Variants in PRR5 observed in about 807,000 individuals in gnomAD.
PRR5 encodes the protein proline-rich protein 5.
PRR5 carries 25 observed loss-of-function variants against 30.6 expected under a neutral mutation model. The observed-to-expected ratio is 0.82, with a 90% CI of 0.60 to 1.14. PRR5 has a LOEUF of 1.14. Among genes scored for constraint, PRR5 ranks in the 50% most tolerant of loss-of-function variants. PRR5 has a pLI of 0.00. For synonymous variants in PRR5, 286 were observed against 247.1 expected, an observed-to-expected ratio of 1.16 and a Z score of -1.48; for missense variants, 600 against 547.1, an observed-to-expected ratio of 1.10 and a Z score of -0.96.
chr22:44,676,353 T>A (rs1923756817), upstream of PRR5, among the ~76,000 whole-genome samples: 1 of 127,548 alleles, frequency 7.8e-6, no homozygotes, highest in Admixed American at 9.7e-5. Flanking sequence ...ATTGCGCCAC[T>A]GCTTTTCAGC....
rs1043263530 is a variant in PRR5, at chr22:44,678,799, C to T, written c.-11+1559C>T. On this transcript the variant is annotated intron_variant, in intron 1 of 8. Coordinates refer to the PRR5 transcript ENST00000006251. ...TCTCTGCCCTGTTCCCAGGTCTCCC[C>T]GACAGCCTGGGGCTGCTCTGTGTGA... Among the ~76,000 whole-genome samples the T allele has an allele frequency of 4.6e-5, 7 of 152,296 alleles. No homozygotes were observed. The South Asian group carries it at 8.3e-4, about 18-fold the overall frequency.
intron 1 of PRR5, among the ~76,000 whole-genome samples, chr22:44,669,632 G>A (rs5765889): frequency 6.6e-6 from 1 of 152,224 alleles, no homozygotes; most frequent in Non-Finnish European, 1.5e-5. Context: ...TTTTCCACCA[G>A]AGCCAAGGTA....
chr22:44,687,354 C>T (rs1476611402), intron 1 of PRR5, among the ~76,000 whole-genome samples: 9 of 2,004 alleles, frequency 4.5e-3, no homozygotes, highest in Non-Finnish European at 6.6e-3. Context: ...TTTCCCTATC[C>T]AGAGCGTTTT....
chr22:44,711,627 C>T (rs1454589592), intron 1 of PRR5, among the ~76,000 whole-genome samples: 1 of 152,160 alleles, frequency 6.6e-6, no homozygotes, highest in African/African-American at 2.4e-5. Flanking sequence ...GCCTTGGAGG[C>T]CCTGGCTACA....
At chr22:44,720,333 T>C (rs1295137702) in intron 2 of PRR5, among the ~76,000 whole-genome samples, 1 of 152,236 alleles carries the variant, frequency 6.6e-6, no homozygotes, top group Admixed American at 6.5e-5. Flanking sequence ...AAAGGATGTC[T>C]GTTTTTCATC....
upstream of PRR5, among the ~76,000 whole-genome samples, chr22:44,699,419 C>T (rs1926056210): frequency 6.6e-6 from 1 of 152,236 alleles, no homozygotes; most frequent in East Asian, 1.9e-4. Flanking sequence ...TCATCCCATC[C>T]GGATCCCTGG....
intron 1 of PRR5, among the ~76,000 whole-genome samples, chr22:44,708,921 C>T (rs1321627240): frequency 1.5e-5 from 2 of 132,418 alleles, no homozygotes; most frequent in African/African-American, 2.8e-5. Context: ...GAGCTAAGAT[C>T]GTGCTGTTGC....
In PRR5 at chr22:44,702,556, G is replaced by A. The variant is rs770901548; in HGVS notation, c.82G>A (p.Asp28Asn). The change falls in exon 1 of 8, where the codon GAC (aspartate) becomes AAC (asparagine). Residue 28 changes from aspartate (D) to asparagine (N), a missense_variant. Physicochemically the swap from Asp to Asn is conservative, Grantham distance 23. Transcript: ENST00000336985. ...CAAGAGAGAGCCGGCCGCCGCCGCGGACGAGCGGGGCACGCAGCAGCGCCG... is the reference window on the plus strand; with the variant it reads ...CAAGAGAGAGCCGGCCGCCGCCGCGAACGAGCGGGGCACGCAGCAGCGCCG... ...LGKREPAAAA[D>N]ERGTQQRRAC... The A allele has an allele frequency of 1.4e-6, 2 of 1,441,052 alleles. No homozygotes were observed. The highest frequency in any genetic ancestry group is 3.0e-5 in the Admixed American group (1 of 33,336). 89.3% of individuals were successfully genotyped at this position (1,441,052 alleles called of 1,614,324 possible).
At chr22:44,697,047 C>T (rs1023544361) in intron 1 of PRR5, among the ~76,000 whole-genome samples, 2 of 152,148 alleles carry the variant, frequency 1.3e-5, no homozygotes, top group African/African-American at 4.8e-5. Flanking sequence ...AGGACATGAA[C>T]ATATCAGATG....
intron 6 of PRR5, 41 bp downstream of exon 6, chr22:44,732,432 G>T: frequency 1.9e-6 from 3 of 1,581,276 alleles, no homozygotes; most frequent in Non-Finnish European, 2.6e-6. Flanking sequence ...GGGACCGTGG[G>T]GCAGTAATTG....
chr22:44,713,682 C>T lies in PRR5; in HGVS notation c.135-909C>T, dbSNP rs571706523. On this transcript the variant is annotated intron_variant, in intron 1 of 7. Transcript: ENST00000336985. ...TGCCCGGCTGCCACAGCTACCTTCC[C>T]ATCACACCAGTCACGTTGAGCAGTT... 2.8e-4 allele frequency among the ~76,000 whole-genome samples: 43 copies of T among 152,288 alleles called. No homozygotes were observed. The South Asian group carries it at 8.9e-3, about 32-fold the overall frequency.
chr22:44,690,178 G>A (rs1925121155), intron 1 of PRR5, among the ~76,000 whole-genome samples: 1 of 152,154 alleles, frequency 6.6e-6, no homozygotes, highest in Non-Finnish European at 1.5e-5. Context: ...AGGAGGGAGA[G>A]AGAAGACCCT....
At chr22:44,697,828 T>A (rs957120326), upstream of PRR5, among the ~76,000 whole-genome samples, 2 of 152,166 alleles carry the variant, frequency 1.3e-5, no homozygotes, top group Non-Finnish European at 2.9e-5. Context: ...ATGGGACTGG[T>A]CTCCCACTTG....
intron 1 of PRR5, among the ~76,000 whole-genome samples, chr22:44,679,135 C>T (rs9614873): frequency 2.0e-5 from 3 of 151,956 alleles, no homozygotes; most frequent in African/African-American, 7.3e-5. Flanking sequence ...GAGATACGTG[C>T]GGCCACCCCA....
intron 1 of PRR5, among the ~76,000 whole-genome samples, chr22:44,669,826 G>C (rs1249481636): frequency 6.6e-6 from 1 of 152,112 alleles, no homozygotes; most frequent in African/African-American, 2.4e-5. Context: ...GCTCTTGGTG[G>C]GAGAGTGGTG....
At chr22:44,709,710 G>A (rs1383112251) in intron 1 of PRR5, among the ~76,000 whole-genome samples, 1 of 152,148 alleles carries the variant, frequency 6.6e-6, no homozygotes, top group Non-Finnish European at 1.5e-5. Context: ...AAATTATCCA[G>A]GAGTGGTGGC....
chr22:44,686,432 G>A (rs940552678), intron 1 of PRR5, among the ~76,000 whole-genome samples: 2 of 151,056 alleles, frequency 1.3e-5, no homozygotes, highest in Non-Finnish European at 3.0e-5. Context: ...TGCCTCCCGG[G>A]ATCAAAAGCT....
At chr22:44,711,061 T>G (rs1602022384) in intron 1 of PRR5, among the ~76,000 whole-genome samples, 8 of 135,398 alleles carry the variant, frequency 5.9e-5, no homozygotes, top group South Asian at 2.8e-4. Flanking sequence ...CAGGCAGGGG[T>G]GGGGAGTGTG....
intron 4 of PRR5, chr22:44,729,936 T>G (rs1020523038): frequency 5.1e-6 from 5 of 985,426 alleles, no homozygotes; most frequent in Non-Finnish European, 6.0e-6. Context: ...ACTTTGTGTG[T>G]GGGCACAGTT....
Sources: allele counts gnomAD v4.1 joint callset (sites outside exome capture counted in the v4.1 genomes callset), GRCh38; gene constraint gnomAD v4.1.1; transcripts MANE v1.5; gene names NCBI Gene and HGNC (gene_info 2026-07-23, HGNC 2026-07-21).